The following EPHA6 variants were observed in gnomAD, a reference collection of about 807,000 sequenced individuals.
EPHA6 encodes the protein EPH receptor A6.
Under a neutral mutation model 112.0 loss-of-function variants are expected in EPHA6, and 50 were observed. The observed-to-expected ratio is 0.45, with a 90% confidence interval of 0.36 to 0.56. EPHA6 has a LOEUF of 0.56. Ranked by LOEUF, EPHA6 falls within the 20% of genes least tolerant of loss-of-function variation. EPHA6 has a pLI of 0.00. For missense variants in EPHA6, 1,280 were observed against 1,417.4 expected, an observed-to-expected ratio of 0.90 and a Z score of 1.56; for synonymous variants, 529 against 490.7, an observed-to-expected ratio of 1.08 and a Z score of -1.03.
chr3:97,323,045 C>T (rs1049079813), intron 5 of EPHA6, among the ~76,000 whole-genome samples: 1 of 151,974 alleles, frequency 6.6e-6, no homozygotes, highest in African/African-American at 2.4e-5. Context: ...AGGGTATCCT[C>T]TTCCCTTGTA....
chr3:97,718,429 A>C (rs1335851206), intron 14 of EPHA6, among the ~76,000 whole-genome samples: 1 of 152,150 alleles, frequency 6.6e-6, no homozygotes, highest in Middle Eastern at 3.2e-3. Context: ...TGCCCAGTTA[A>C]GTTTGAATTG....
chr3:96,981,519 T>G (rs869293956), intron 2 of EPHA6, among the ~76,000 whole-genome samples: 17 of 152,200 alleles, frequency 1.1e-4, no homozygotes, highest in South Asian at 4.2e-4. Flanking sequence ...CTCTTTTTTT[T>G]TTGTTGTGTC....
At chr3:97,133,620 G>A (rs2075693625) in intron 3 of EPHA6, among the ~76,000 whole-genome samples, 1 of 151,926 alleles carries the variant, frequency 6.6e-6, no homozygotes, top group Non-Finnish European at 1.5e-5. Flanking sequence ...AATGTATTTT[G>A]TAAACTATAT....
chr3:96,841,201 A>G (rs1444782113), intron 1 of EPHA6, among the ~76,000 whole-genome samples: 3 of 152,102 alleles, frequency 2.0e-5, no homozygotes, highest in Admixed American at 2.0e-4. Context: ...ACTTCCAGGT[A>G]ATAGGTAGAA....
At chr3:97,224,922 GA>G (rs1288552588) in intron 3 of EPHA6, among the ~76,000 whole-genome samples, 2 of 151,488 alleles carry the variant, frequency 1.3e-5, no homozygotes, top group African/African-American at 4.8e-5. Context: ...ATTTTTGACT[GA>G]TTTTTTTTTT....
Position 97,747,584 on chromosome 3 carries a change from T to A in EPHA6, c.3278+12T>A, listed in dbSNP as rs759305169. Reference sequence around the variant, plus strand: ...AGAATGAGCATTGAGTAAGTGATACTAGGTTTATTACTGTAACGAGATGTC... The same window carrying A: ...AGAATGAGCATTGAGTAAGTGATACAAGGTTTATTACTGTAACGAGATGTC... On this transcript the variant is annotated intron_variant, in intron 17 of 17. Transcript: ENST00000389672. The A allele has an allele frequency of 5.6e-6, 9 of 1,595,492 alleles. No homozygotes were observed. In the East Asian group the frequency reaches 2.1e-4, roughly 37 times the overall value.
intron 5 of EPHA6, among the ~76,000 whole-genome samples, chr3:97,400,302 A>C (rs554849010): frequency 1.3e-5 from 2 of 151,726 alleles, no homozygotes; most frequent in African/African-American, 4.8e-5. Flanking sequence ...GTTCCATCAC[A>C]TTGGTATTGA....
intron 13 of EPHA6, among the ~76,000 whole-genome samples, chr3:97,632,322 G>C (rs1410425139): frequency 1.3e-5 from 2 of 151,990 alleles, no homozygotes; most frequent in Admixed American, 1.3e-4. Flanking sequence ...TAGACCCTGG[G>C]ATTACAAGGG....
chr3:97,084,396 C>T (rs2046828710), intron 3 of EPHA6, among the ~76,000 whole-genome samples: 1 of 151,556 alleles, frequency 6.6e-6, no homozygotes, highest in Non-Finnish European at 1.5e-5. Context: ...CTTGGAATAA[C>T]ACAGACTCCT....
chr3:97,110,222 T>G (rs1172073316), intron 3 of EPHA6, among the ~76,000 whole-genome samples: 1 of 152,054 alleles, frequency 6.6e-6, no homozygotes, highest in African/African-American at 2.4e-5. Context: ...GGGTGGATGA[T>G]GGGCACAAAT....
chr3:97,218,848 GCA>G (rs1359246775), intron 3 of EPHA6, among the ~76,000 whole-genome samples: 1 of 152,092 alleles, frequency 6.6e-6, no homozygotes, highest in East Asian at 1.9e-4. Flanking sequence ...TTCAACCTAT[GCA>G]CCTGTAAAAT....
intron 3 of EPHA6, among the ~76,000 whole-genome samples, chr3:97,108,525 T>TA (rs2047633514): frequency 6.6e-6 from 1 of 152,152 alleles, no homozygotes; most frequent in Non-Finnish European, 1.5e-5. Flanking sequence ...ACACAATACT[T>TA]ACGTCAAAAT....
Position 96,906,222 on chromosome 3 carries a change from C to T in EPHA6, c.450+39333C>T, listed in dbSNP as rs1463527781. Among the ~76,000 whole-genome samples the T allele has an allele frequency of 2.6e-5, 4 of 152,000 alleles. No homozygotes were observed. The East Asian group carries it at 7.7e-4, about 29-fold the overall frequency. Reference sequence around the variant, plus strand: ...AGTAGGAGACAAGGTAACTTCCATTCCCCCTACTTTCTCTCTCTGTCTCTT... The same window carrying T: ...AGTAGGAGACAAGGTAACTTCCATTTCCCCTACTTTCTCTCTCTGTCTCTT... On this transcript the variant is annotated intron_variant, in intron 2 of 17. Coordinates refer to ENST00000389672, the MANE Select transcript of EPHA6 (RefSeq NM_001080448.3).
intron 3 of EPHA6, among the ~76,000 whole-genome samples, chr3:97,000,349 G>A (rs573744554): frequency 6.3e-4 from 95 of 149,650 alleles, no homozygotes; most frequent in African/African-American, 2.2e-3. Context: ...ATACACACAC[G>A]TGTGCTTTTT....
At chr3:96,823,686 G>A (rs1399880276) in intron 1 of EPHA6, among the ~76,000 whole-genome samples, 1 of 151,652 alleles carries the variant, frequency 6.6e-6, no homozygotes, top group Admixed American at 6.6e-5. Context: ...CTATGTATTG[G>A]TCCACTTGCT....
intron 3 of EPHA6, among the ~76,000 whole-genome samples, chr3:97,192,204 T>A (rs2077325289): frequency 6.6e-6 from 1 of 152,224 alleles, no homozygotes; most frequent in African/African-American, 2.4e-5. Context: ...TGGCATGATC[T>A]CAGCTCACTG....
At chr3:97,665,948 T>C (rs2030046644) in intron 14 of EPHA6, among the ~76,000 whole-genome samples, 2 of 151,622 alleles carry the variant, frequency 1.3e-5, no homozygotes, top group African/African-American at 4.9e-5. Flanking sequence ...TCCCAGCTAC[T>C]CAGGAGGCTG....
At chr3:96,955,267 T>G (rs2041712787) in intron 2 of EPHA6, among the ~76,000 whole-genome samples, 1 of 152,164 alleles carries the variant, frequency 6.6e-6, no homozygotes, top group Non-Finnish European at 1.5e-5. Context: ...ACATCACATG[T>G]GTCTTTACAT....
chr3:97,342,526 T>C (rs879677230), intron 5 of EPHA6, among the ~76,000 whole-genome samples: 4 of 152,240 alleles, frequency 2.6e-5, no homozygotes, highest in Admixed American at 6.5e-5. Context: ...TTGCACATGA[T>C]ACCTTTGAGA....
Sources: gnomAD v4.1 joint callset for allele counts (sites outside exome capture counted in the v4.1 genomes callset) on GRCh38, gnomAD v4.1.1 for gene constraint, MANE v1.5 for transcripts, NCBI Gene and HGNC (gene_info 2026-07-23, HGNC 2026-07-21) for gene names.